The following SLC14A2 variants were observed in gnomAD, a reference collection of about 807,000 sequenced individuals.
The protein encoded by SLC14A2 is solute carrier family 14 member 2.
Under a neutral mutation model 104.6 loss-of-function variants are expected in SLC14A2, and 91 were observed. That is an observed-to-expected ratio of 0.87 (90% CI 0.73 to 1.04). SLC14A2 has a LOEUF of 1.04. Among genes scored for constraint, SLC14A2 ranks in the 50% least tolerant of loss-of-function variants. The pLI is 0.00. For missense variants in SLC14A2, 1,189 were observed against 1,156.0 expected, an observed-to-expected ratio of 1.03 and a Z score of -0.41; for synonymous variants, 476 against 466.4, an observed-to-expected ratio of 1.02 and a Z score of -0.27.
intron 1 of SLC14A2, among the ~76,000 whole-genome samples, chr18:45,622,307 G>T (rs2045184402): frequency 6.6e-6 from 1 of 152,106 alleles, no homozygotes; most frequent in East Asian, 1.9e-4. Context: ...GAAGAAGGGA[G>T]CATTAAGTGT....
At chr18:45,441,091 A>G (rs2086675456) in intron 1 of SLC14A2, among the ~76,000 whole-genome samples, 1 of 152,008 alleles carries the variant, frequency 6.6e-6, no homozygotes, top group African/African-American at 2.4e-5. Flanking sequence ...CCTGCTCCCA[A>G]CTGTCCCTTC....
At chr18:45,265,337 A>G (rs2084581083) in intron 1 of SLC14A2, among the ~76,000 whole-genome samples, 1 of 152,218 alleles carries the variant, frequency 6.6e-6, no homozygotes, top group Non-Finnish European at 1.5e-5. Context: ...GTAAGAAAGA[A>G]TAATTCTTAG....
intron 1 of SLC14A2, among the ~76,000 whole-genome samples, chr18:45,454,976 T>G (rs1388642350): frequency 2.0e-5 from 3 of 152,224 alleles, no homozygotes. Flanking sequence ...AGGATTGTCT[T>G]GGCAGTGCAG....
upstream of SLC14A2, among the ~76,000 whole-genome samples, chr18:45,612,244 G>A (rs1332518083): frequency 1.3e-5 from 2 of 152,174 alleles, no homozygotes; most frequent in Non-Finnish European, 2.9e-5. Context: ...GAGCTCAGTG[G>A]GAAAGAGCAA....
intron 1 of SLC14A2, among the ~76,000 whole-genome samples, chr18:45,324,374 T>C (rs2085214029): frequency 6.6e-6 from 1 of 152,198 alleles, no homozygotes; most frequent in Admixed American, 6.5e-5. Context: ...CGCCAACGAT[T>C]ATTTTAAGCA....
chr18:45,394,888 G>A (rs370255581), intron 1 of SLC14A2, among the ~76,000 whole-genome samples: 8 of 151,974 alleles, frequency 5.3e-5, no homozygotes, highest in South Asian at 2.1e-4. Flanking sequence ...AAAATGGTGC[G>A]GTCACTGTGA....
chr18:45,553,783 C>T (rs1232489797), intron 2 of SLC14A2, among the ~76,000 whole-genome samples: 2 of 152,056 alleles, frequency 1.3e-5, no homozygotes, highest in Middle Eastern at 6.3e-3. Flanking sequence ...AGAAAGGGAC[C>T]CACACAATCT....
intron 1 of SLC14A2, among the ~76,000 whole-genome samples, chr18:45,466,414 C>A (rs1023504199): frequency 1.3e-5 from 2 of 151,450 alleles, no homozygotes; most frequent in Non-Finnish European, 2.9e-5. Flanking sequence ...AGTTAGAGAG[C>A]ATGAAGGCTG....
intron 1 of SLC14A2, among the ~76,000 whole-genome samples, chr18:45,396,344 C>T (rs76934185): frequency 0.028 from 4,271 of 152,244 alleles, 177 homozygotes; most frequent in African/African-American, 0.097. Flanking sequence ...GGCAGAGTCC[C>T]ATGGAACTCT....
chr18:45,433,710 G>A (rs73955805), intron 1 of SLC14A2, among the ~76,000 whole-genome samples: 1,624 of 152,264 alleles, frequency 0.011, 25 homozygotes, highest in African/African-American at 0.037. Flanking sequence ...TAAGTTAATT[G>A]GATTCAAACT....
At chr18:45,392,723 A>G (rs1360822554) in intron 1 of SLC14A2, among the ~76,000 whole-genome samples, 1 of 152,228 alleles carries the variant, frequency 6.6e-6, no homozygotes, top group Admixed American at 6.5e-5. Context: ...TACAACTAGG[A>G]AGTTCAATCT....
chr18:45,215,037 G>A (rs976237612), intron 1 of SLC14A2, among the ~76,000 whole-genome samples: 6 of 152,060 alleles, frequency 3.9e-5, no homozygotes, highest in Non-Finnish European at 7.4e-5. Flanking sequence ...TGATTGGTGA[G>A]GACTGGATGG....
chr18:45,331,584 G>C (rs377291989), intron 1 of SLC14A2, among the ~76,000 whole-genome samples: 1 of 151,854 alleles, frequency 6.6e-6, no homozygotes, highest in South Asian at 2.1e-4. Flanking sequence ...CCAGCTACTC[G>C]GGAGGCTGAG....
chr18:45,508,078 C>T (rs1232048025), intron 2 of SLC14A2, among the ~76,000 whole-genome samples: 2 of 152,228 alleles, frequency 1.3e-5, no homozygotes, highest in Non-Finnish European at 2.9e-5. Flanking sequence ...GAAACATCAT[C>T]ATCCAACATG....
intron 1 of SLC14A2, among the ~76,000 whole-genome samples, chr18:45,244,735 C>T (rs184584906): frequency 6.6e-6 from 1 of 152,206 alleles, no homozygotes; most frequent in East Asian, 1.9e-4. Context: ...TATGGCATCC[C>T]GCTCTGATCA....
the SLC14A2 span, among the ~76,000 whole-genome samples, chr18:45,182,746 G>GA: frequency 6.6e-6 from 1 of 152,004 alleles, no homozygotes; most frequent in Non-Finnish European, 1.5e-5. Flanking sequence ...GTTTCATTAA[G>GA]AAAAATCACA....
intron 1 of SLC14A2, among the ~76,000 whole-genome samples, chr18:45,418,714 G>A (rs115868779): frequency 6.6e-6 from 1 of 152,214 alleles, no homozygotes; most frequent in Non-Finnish European, 1.5e-5. Flanking sequence ...TGATCAAAGT[G>A]ATAGAAAATT....
intron 10 of SLC14A2, among the ~76,000 whole-genome samples, chr18:45,659,205 C>G (rs542602629): frequency 1.3e-4 from 20 of 152,364 alleles, no homozygotes; most frequent in African/African-American, 4.6e-4. Flanking sequence ...CAGCCAGGTG[C>G]TGTAGCAGAG....
intron 5 of SLC14A2, among the ~76,000 whole-genome samples, chr18:45,635,580 G>A (rs1340323973): frequency 6.6e-6 from 1 of 152,158 alleles, no homozygotes; most frequent in Non-Finnish European, 1.5e-5. Flanking sequence ...GGTGTAATGA[G>A]GGCACACACC....
Sources: gnomAD v4.1 joint callset for allele counts (sites outside exome capture counted in the v4.1 genomes callset) on GRCh38, gnomAD v4.1.1 for gene constraint, MANE v1.5 for transcripts, NCBI Gene and HGNC (gene_info 2026-07-23, HGNC 2026-07-21) for gene names.